The following WDR64 variants were observed in gnomAD, a reference collection of about 807,000 sequenced individuals.
WDR64 encodes the protein WD repeat-containing protein 64.
WDR64 carries 112 observed loss-of-function variants against 139.3 expected under a neutral mutation model. That is an observed-to-expected ratio of 0.80 (90% CI 0.69 to 0.94). The LOEUF (loss-of-function observed/expected upper bound fraction) is 0.94. Ranked by LOEUF, WDR64 falls within the 40% of genes least tolerant of loss-of-function variation. The pLI is 0.00. For missense variants in WDR64, 1,206 were observed against 1,293.1 expected (o/e 0.93, Z 1.03); for synonymous variants, 444 against 437.7 (o/e 1.01, Z -0.18).
At chr1:241,653,585 C>T (rs1485127174) in intron 1 of WDR64, among the ~76,000 whole-genome samples, 2 of 150,342 alleles carry the variant, frequency 1.3e-5, no homozygotes, top group Non-Finnish European at 3.0e-5. Context: ...TTCCTATTGC[C>T]CAGGCTGGAG....
chr1:241,683,864 T>C (rs1237813884), intron 7 of WDR64, among the ~76,000 whole-genome samples, 163 bp downstream of exon 7: 36 of 145,564 alleles, frequency 2.5e-4, no homozygotes, highest in African/African-American at 8.1e-4. Context: ...TGTTCATGTA[T>C]ACACACACAC....
chr1:241,744,268 C>T lies in WDR64; in HGVS notation c.1471-125C>T, dbSNP rs143290697. 50 of 1,161,040 alleles carry T rather than the reference C, an allele frequency of 4.3e-5. No individual in the cohort carries two copies. In the African/African-American group the frequency reaches 6.5e-4, roughly 15 times the overall value. The allele number at this position is 1,161,040 out of a possible 1,614,324, so 71.9% of individuals were successfully genotyped here. On this transcript the variant is annotated intron_variant, in intron 12 of 27. Transcript: ENST00000437684. The stretch of plus-strand genomic sequence containing the variant: ...GATAAAACCAACATTCAGGGCAGAG[C>T]GCTAGGAAATGTGTTAGATGTACAG...
chr1:241,799,861 C>G (rs1440943341), intron 27 of WDR64, among the ~76,000 whole-genome samples: 2 of 152,092 alleles, frequency 1.3e-5, no homozygotes, highest in African/African-American at 4.8e-5. Context: ...TTTCATAGCT[C>G]TGATCACTAC....
rs923120500 is a variant in WDR64, at chr1:241,656,096, G to A, written c.145+3467G>A. On this transcript the variant is annotated intron_variant, in intron 1 of 27. Coordinates refer to ENST00000437684, the MANE Select transcript of WDR64 (RefSeq NM_001367482.1). This position sits in a 1 kb window ranked among gnomAD's most constrained non-coding sequence, Gnocchi z 4.3. ...CCTTTCTCTATAGTTTTCAAGATTT[G>A]ATGAAAACTGCATACTGCTAGACAA... Among the ~76,000 whole-genome samples the A allele has an allele frequency of 2.0e-5, 3 of 152,156 alleles. No individual in the cohort carries two copies. Among genetic ancestry groups the A allele is most frequent in the Non-Finnish European group, 4.4e-5 (3 of 68,032 alleles).
At position 241,725,440 on chromosome 1, in the gene WDR64, C is replaced by A. The variant is rs544765792; in HGVS notation, c.1194+2004C>A. Among the ~76,000 whole-genome samples the A allele has an allele frequency of 1.2e-3, 176 of 152,200 alleles. 1 individual carries two copies. Among genetic ancestry groups the A allele is most frequent in the Non-Finnish European group, 2.2e-3 (148 of 68,004 alleles). On this transcript the variant is annotated intron_variant, in intron 10 of 27. Coordinates refer to ENST00000437684, the MANE Select transcript of WDR64 (RefSeq NM_001367482.1). ...CCCGCACCTCCCTCCTCGTACACCC[C>A]CTACCCCTCATACACCCTCTACCCG...
chr1:241,742,011 T>C (rs1177062571), intron 12 of WDR64, among the ~76,000 whole-genome samples: 5 of 152,182 alleles, frequency 3.3e-5, no homozygotes, highest in Non-Finnish European at 7.3e-5. Flanking sequence ...GGAAGGGGAA[T>C]AAATTTATAG....
At chr1:241,713,204 G>C (rs1215297249) in intron 9 of WDR64, among the ~76,000 whole-genome samples, 1 of 151,650 alleles carries the variant, frequency 6.6e-6, no homozygotes, top group Non-Finnish European at 1.5e-5. Context: ...CTAGCTACTA[G>C]AGAGGCTGAG....
chr1:241,677,133 A>G (rs1458816057), intron 4 of WDR64, among the ~76,000 whole-genome samples: 1 of 152,232 alleles, frequency 6.6e-6, no homozygotes, highest in Non-Finnish European at 1.5e-5. Context: ...TATTAATAAA[A>G]GTAAATTTTT....
rs1285765903 is a variant in WDR64, at chr1:241,778,418, C to T, written c.2537-1586C>T. Reference sequence around the variant, plus strand: ...ATTTAAAGTAGGTTTTTATACACAACATACAGTGGCTCATGTTTTTAAATT... The same window carrying T: ...ATTTAAAGTAGGTTTTTATACACAATATACAGTGGCTCATGTTTTTAAATT... On this transcript the variant is annotated intron_variant, in intron 21 of 27. Transcript: ENST00000437684. Among the ~76,000 whole-genome samples, 3 of 152,166 alleles carry T rather than the reference C, an allele frequency of 2.0e-5. No individual in the cohort carries two copies. The South Asian group carries it at 6.2e-4, about 31-fold the overall frequency.
intron 15 of WDR64, among the ~76,000 whole-genome samples, chr1:241,765,133 G>C (rs2148290318): frequency 6.6e-6 from 1 of 151,844 alleles, no homozygotes; most frequent in African/African-American, 2.4e-5. Flanking sequence ...GCTGCAGTAA[G>C]CTGTGATCAT....
At chr1:241,659,914 A>G (rs1273001121) in intron 1 of WDR64, among the ~76,000 whole-genome samples, 1 of 152,214 alleles carries the variant, frequency 6.6e-6, no homozygotes, top group Admixed American at 6.5e-5. Context: ...AAGTTTAATT[A>G]GATCCCATTT....
chr1:241,710,112 T>C (rs922104546), intron 8 of WDR64, among the ~76,000 whole-genome samples: 11 of 152,060 alleles, frequency 7.2e-5, no homozygotes, highest in Non-Finnish European at 1.6e-4. Flanking sequence ...AAGGCCAGGT[T>C]TCTCCTTCCC....
At chr1:241,730,814 G>A (rs755121381) in intron 10 of WDR64, among the ~76,000 whole-genome samples, 6 of 152,116 alleles carry the variant, frequency 3.9e-5, no homozygotes, top group Non-Finnish European at 8.8e-5. Context: ...ATAAAGCATA[G>A]CTGCCCCAAA....
intron 9 of WDR64, among the ~76,000 whole-genome samples, chr1:241,722,393 G>C (rs1356188924): frequency 6.6e-6 from 1 of 152,046 alleles, no homozygotes; most frequent in Non-Finnish European, 1.5e-5. Context: ...AATGTATATA[G>C]CCTGTAACAT....
chr1:241,728,303 A>T (rs1017293832), intron 10 of WDR64, among the ~76,000 whole-genome samples: 4 of 152,016 alleles, frequency 2.6e-5, no homozygotes, highest in Non-Finnish European at 5.9e-5. Context: ...ACTGCACTCC[A>T]GCCTGGGCAA....
rs137927580 is a variant in WDR64 at position 241,684,934 on chromosome 1, T to C, written c.839+1233T>C. Among the ~76,000 whole-genome samples the C allele has an allele frequency of 4.9e-3, 753 of 152,224 alleles. 11 individuals carry two copies. The highest frequency in any genetic ancestry group is 0.018 in the African/African-American group (727 of 41,526). Reference sequence around the variant, plus strand: ...CACCAACGCCAGGCTAATTTTTGTATTTTTAGTAGCAACGGGGTTTCACCA... The same window carrying C: ...CACCAACGCCAGGCTAATTTTTGTACTTTTAGTAGCAACGGGGTTTCACCA... On this transcript the variant is annotated intron_variant, in intron 7 of 27. Coordinates refer to ENST00000437684, the MANE Select transcript of WDR64 (RefSeq NM_001367482.1).
chr1:241,722,713 G>T (rs999202562), intron 9 of WDR64, among the ~76,000 whole-genome samples: 5 of 152,038 alleles, frequency 3.3e-5, no homozygotes, highest in Non-Finnish European at 5.9e-5. Context: ...AGATTATGGA[G>T]GAAAAGACAT....
At position 241,749,545 on chromosome 1, in the gene WDR64, A is replaced by G. The variant is rs1558506022; in HGVS notation, c.1595-2A>G. On this transcript the variant is annotated splice_acceptor_variant, in intron 13 of 27. Transcript: ENST00000437684. LOFTEE classifies it high-confidence loss of function. The stretch of plus-strand genomic sequence containing the variant: ...ACATAGTCTTTTTCTCTGTATGCTC[A>G]GGAACAGTCAGAATCTGGGACTTTG... 2 of 1,613,958 alleles carry G rather than the reference A, an allele frequency of 1.2e-6. No individual in the cohort carries two copies. Among genetic ancestry groups the G allele is most frequent in the East Asian group, 2.2e-5 (1 of 44,866 alleles).
chr1:241,747,793 GGGAA>G (rs1669819791), intron 13 of WDR64, among the ~76,000 whole-genome samples: 1 of 152,146 alleles, frequency 6.6e-6, no homozygotes, highest in East Asian at 1.9e-4. Flanking sequence ...AAGACTTCCT[GGGAA>G]AGACAGGCAC....
Sources: allele counts gnomAD v4.1 joint callset (sites outside exome capture counted in the v4.1 genomes callset), GRCh38; gene constraint gnomAD v4.1.1; non-coding constraint Gnocchi (gnomAD v3.1); transcripts MANE v1.5; gene names NCBI Gene and HGNC (gene_info 2026-07-23, HGNC 2026-07-21).